BBS9: variants seen among roughly 807,000 people sequenced by gnomAD.
BBS9 encodes Bardet-Biedl syndrome 9.
Under a neutral mutation model 117.7 loss-of-function variants are expected in BBS9, and 89 were observed. That is an observed-to-expected ratio of 0.76 (90% CI 0.64 to 0.90). The LOEUF (loss-of-function observed/expected upper bound fraction) is 0.90, where lower values mean the gene tolerates loss of function less well. BBS9 is among the 40% of genes least tolerant of loss of function. The probability of loss-of-function intolerance (pLI) is 0.00; values close to 1 mark genes in which losing one functional copy is unlikely to be tolerated. For missense variants in BBS9, 982 were observed against 1,042.2 expected (o/e 0.94, Z 0.80); for synonymous variants, 379 against 370.9 (o/e 1.02, Z -0.25).
chr7:33,479,412 A>C (rs1228126713), intron 19 of BBS9, among the ~76,000 whole-genome samples: 1 of 152,210 alleles, frequency 6.6e-6, no homozygotes, highest in African/African-American at 2.4e-5. Context: ...GTCTCTAGCT[A>C]CATCCATGTT....
chr7:33,441,230 T>C, intron 19 of BBS9, among the ~76,000 whole-genome samples: 1 of 151,732 alleles, frequency 6.6e-6, no homozygotes, highest in East Asian at 1.9e-4. Context: ...GAATGCTCCC[T>C]ATTTGTGTGT....
chr7:33,322,206 A>T (rs1015413403), intron 9 of BBS9, among the ~76,000 whole-genome samples: 1 of 151,696 alleles, frequency 6.6e-6, no homozygotes, highest in Non-Finnish European at 1.5e-5. Context: ...TTTTTGCTTT[A>T]TTTTGGTGTC....
chr7:33,455,619 A>G (rs558249684), intron 19 of BBS9, among the ~76,000 whole-genome samples: 36 of 152,264 alleles, frequency 2.4e-4, no homozygotes, highest in Admixed American at 1.7e-3. Context: ...CCCCGCACCA[A>G]TGATTAACAG....
chr7:33,269,750 C>T (rs1255507384), intron 7 of BBS9, among the ~76,000 whole-genome samples: 18 of 150,186 alleles, frequency 1.2e-4, no homozygotes, highest in East Asian at 1.2e-3. Context: ...AAAGGCCAGG[C>T]GCAGTGGCTC....
chr7:33,203,816 G>A (rs565207387), intron 5 of BBS9, among the ~76,000 whole-genome samples: 6 of 151,106 alleles, frequency 4.0e-5, no homozygotes, highest in South Asian at 2.1e-4. Context: ...TCCGCCTCCC[G>A]GGCTCAAGCA....
At chr7:33,352,409 G>A (rs955359665) in intron 14 of BBS9, among the ~76,000 whole-genome samples, 14 of 152,056 alleles carry the variant, frequency 9.2e-5, no homozygotes, top group Non-Finnish European at 1.6e-4. Context: ...AAAAAGAGAC[G>A]TTATCAATAG....
chr7:33,367,888 T>C (rs748187199), intron 17 of BBS9, 26 bp downstream of exon 17: 1 of 1,583,508 alleles, frequency 6.3e-7, no homozygotes. Flanking sequence ...TTATCATTGC[T>C]TTTTAAATTT....
intron 19 of BBS9, among the ~76,000 whole-genome samples, chr7:33,388,477 T>G (rs1826444033): frequency 1.3e-5 from 2 of 152,226 alleles, no homozygotes; most frequent in African/African-American, 4.8e-5. Context: ...GCTATTATGA[T>G]TAGTATTATG....
intron 16 of BBS9, among the ~76,000 whole-genome samples, chr7:33,361,411 T>A (rs1305216773): frequency 6.6e-6 from 1 of 152,208 alleles, no homozygotes; most frequent in Non-Finnish European, 1.5e-5. Flanking sequence ...CATACAGATT[T>A]TTTGTACTTC....
In BBS9 at chr7:33,489,144, C is replaced by A. The variant is rs1843544601; in HGVS notation, c.2116-16319C>A. ...AGTAGCTGGGATTATAGGCGTGCACCACCACGCCTGGCTAACTTTTTGTAT... is the reference window on the plus strand; with the variant it reads ...AGTAGCTGGGATTATAGGCGTGCACAACCACGCCTGGCTAACTTTTTGTAT... On this transcript the variant is annotated intron_variant, in intron 19 of 22. Transcript: ENST00000242067. Among the ~76,000 whole-genome samples the A allele has an allele frequency of 2.0e-5, 3 of 151,688 alleles. No individual in the cohort carries two copies. The South Asian group carries it at 6.2e-4, about 32-fold the overall frequency.
At chr7:33,514,979 A>G (rs1847524469) in intron 20 of BBS9, among the ~76,000 whole-genome samples, 1 of 152,186 alleles carries the variant, frequency 6.6e-6, no homozygotes, top group Non-Finnish European at 1.5e-5. Context: ...TGTAAGGACT[A>G]ATTGAGATAA....
chr7:33,510,077 T>A (rs1846713486), intron 20 of BBS9, among the ~76,000 whole-genome samples: 1 of 152,176 alleles, frequency 6.6e-6, no homozygotes, highest in Admixed American at 6.5e-5. Flanking sequence ...AGTATTCTAT[T>A]TGGTGTCTCC....
At chr7:33,530,879 G>A (rs1045353383) in intron 20 of BBS9, among the ~76,000 whole-genome samples, 10 of 152,108 alleles carry the variant, frequency 6.6e-5, no homozygotes, top group Admixed American at 2.0e-4. Flanking sequence ...GAAAAGTCCC[G>A]ATTAACCCAT....
chr7:33,582,616 C>T (rs1173208474), intron 21 of BBS9, among the ~76,000 whole-genome samples: 1 of 151,918 alleles, frequency 6.6e-6, no homozygotes, highest in Admixed American at 6.6e-5. Flanking sequence ...CACTTTTGCC[C>T]TTCAGGTTCT....
intron 19 of BBS9, among the ~76,000 whole-genome samples, chr7:33,389,163 T>A (rs1170580089): frequency 2.6e-5 from 4 of 152,190 alleles, no homozygotes; most frequent in Non-Finnish European, 4.4e-5. Context: ...TTAAGTTGTA[T>A]ACAATTTTAT....
At chr7:33,520,049 C>T (rs1375595568) in intron 20 of BBS9, among the ~76,000 whole-genome samples, 1 of 148,402 alleles carries the variant, frequency 6.7e-6, no homozygotes, top group Non-Finnish European at 1.5e-5. Context: ...TGCTCTGTTG[C>T]CCAGGCTAGA....
At chr7:33,533,272 C>T (rs1026848640) in intron 20 of BBS9, among the ~76,000 whole-genome samples, 6 of 152,228 alleles carry the variant, frequency 3.9e-5, no homozygotes, top group South Asian at 2.1e-4. Context: ...CTGCACTTTT[C>T]TAGGTTTTTC....
At chr7:33,344,997 A>T (rs1817326030) in intron 12 of BBS9, among the ~76,000 whole-genome samples, 1 of 152,202 alleles carries the variant, frequency 6.6e-6, no homozygotes, top group African/African-American at 2.4e-5. Context: ...GTAGCATCAT[A>T]CATAGTATAC....
chr7:33,473,366 C>T (rs1263001697), intron 19 of BBS9, among the ~76,000 whole-genome samples: 1 of 150,718 alleles, frequency 6.6e-6, no homozygotes, highest in Admixed American at 6.6e-5. Context: ...CTCTGTCACC[C>T]GGGCTGGAGT....
Sources: allele counts gnomAD v4.1 joint callset (sites outside exome capture counted in the v4.1 genomes callset), GRCh38; gene constraint gnomAD v4.1.1; transcripts MANE v1.5; gene names NCBI Gene and HGNC (gene_info 2026-07-23, HGNC 2026-07-21).